The following PRR11 variants were observed in gnomAD, a reference collection of about 807,000 sequenced individuals.
PRR11 encodes proline-rich protein 11.
A neutral mutation model predicts 45.6 loss-of-function variants in PRR11; 30 were observed. That is an observed-to-expected ratio of 0.66 (90% CI 0.49 to 0.89). The LOEUF is 0.89. Ranked by LOEUF, PRR11 falls within the 40% of genes least tolerant of loss-of-function variation. The pLI is 0.00. For missense variants in PRR11, 373 were observed against 424.8 expected (o/e 0.88, Z 1.07); for synonymous variants, 128 against 153.5 (o/e 0.83, Z 1.23).
rs920322964 is a variant in PRR11, at chr17:59,203,202, A to G, written c.*1571A>G. 6.6e-6 allele frequency among the ~76,000 whole-genome samples: 1 copy of G among 152,004 alleles called. No homozygotes were observed. Among genetic ancestry groups the G allele is most frequent in the Non-Finnish European group, 1.5e-5 (1 of 67,964 alleles). On this transcript the variant is annotated 3_prime_UTR_variant, in exon 10 of 10. Transcript: ENST00000262293. ...GTTTTTGAGACCCACATCTATATAT[A>G]GAGATTTTTGTTTGTTTGTTTGTTT...
rs2046917808 is a variant in PRR11, at chr17:59,206,286, A to G, written c.*4655A>G. ...GAGACTGAGGTGGAAGAATCACTTG[A>G]GCCCGGGAGGTTGAGGCTGCAGTGA... On this transcript the variant is annotated 3_prime_UTR_variant, in exon 10 of 10. Transcript: ENST00000262293. Among the ~76,000 whole-genome samples the G allele has an allele frequency of 1.3e-5, 2 of 152,112 alleles. No homozygotes were observed. Among genetic ancestry groups the G allele is most frequent in the Non-Finnish European group, 2.9e-5 (2 of 68,024 alleles).
chr17:59,174,624 G>A (rs2046732139), intron 2 of PRR11, among the ~76,000 whole-genome samples: 1 of 152,086 alleles, frequency 6.6e-6, no homozygotes, highest in South Asian at 2.1e-4. Context: ...TTATGGAGAG[G>A]GGATCTCGCC....
At chr17:59,167,327 T>C (rs1474061490) in intron 1 of PRR11, among the ~76,000 whole-genome samples, 1 of 152,196 alleles carries the variant, frequency 6.6e-6, no homozygotes, top group Non-Finnish European at 1.5e-5. Flanking sequence ...GCACTCCTTC[T>C]AGCTATTTGA....
At chr17:59,179,823 C>A in intron 2 of PRR11, 1 of 1,350,668 alleles carries the variant, frequency 7.4e-7, no homozygotes, top group Admixed American at 1.7e-5. Flanking sequence ...TCCGACCACT[C>A]CCTCTTCCTT....
intron 4 of PRR11, among the ~76,000 whole-genome samples, chr17:59,190,827 G>A (rs985626375): frequency 6.6e-6 from 1 of 152,344 alleles, no homozygotes; most frequent in Non-Finnish European, 1.5e-5. Flanking sequence ...AACTTGGCCT[G>A]GGTTATGTGT....
At chr17:59,191,918 T>C (rs193127515) in intron 4 of PRR11, among the ~76,000 whole-genome samples, 3 of 152,320 alleles carry the variant, frequency 2.0e-5, no homozygotes, top group African/African-American at 7.2e-5. Context: ...TTAACTCCTC[T>C]GGGCCTCAGT....
intron 7 of PRR11, among the ~76,000 whole-genome samples, chr17:59,196,359 TTTTA>T (rs1452261288): frequency 2.6e-5 from 4 of 151,988 alleles, no homozygotes; most frequent in Non-Finnish European, 5.9e-5. Context: ...AAGCAACCTG[TTTTA>T]TTTATTTATT....
intron 2 of PRR11, chr17:59,174,962 C>T (rs2046735471): frequency 2.3e-6 from 2 of 870,944 alleles, no homozygotes; most frequent in Non-Finnish European, 3.7e-6. Flanking sequence ...CGCCTACCTC[C>T]TCCAACTACT....
intron 2 of PRR11, among the ~76,000 whole-genome samples, chr17:59,175,998 A>G (rs530520933): frequency 1.3e-5 from 2 of 152,346 alleles, no homozygotes; most frequent in East Asian, 3.9e-4. Flanking sequence ...TAATCAGGGC[A>G]GATGACGTAA....
intron 5 of PRR11, 65 bp from the exon 6 acceptor site, chr17:59,194,692 T>C (rs1157370264): frequency 7.9e-7 from 1 of 1,268,124 alleles, no homozygotes. Flanking sequence ...AAACTAGATT[T>C]GGATTTGCAT....
intron 2 of PRR11, 33 bp from the exon 3 acceptor site, chr17:59,185,021 T>C (rs2046807201): frequency 6.3e-7 from 1 of 1,599,024 alleles, no homozygotes. Context: ...GACTTAGGGG[T>C]TTTTTATTTG....
intron 9 of PRR11, 36 bp from the exon 10 acceptor site, chr17:59,201,527 A>G: frequency 1.3e-6 from 2 of 1,586,284 alleles, no homozygotes; most frequent in Non-Finnish European, 1.7e-6. Context: ...ACAGGAATAT[A>G]ATTGATATTA....
intron 2 of PRR11, among the ~76,000 whole-genome samples, chr17:59,182,010 T>C (rs186952411): frequency 1.5e-5 from 2 of 133,970 alleles, no homozygotes; most frequent in Non-Finnish European, 3.1e-5. Flanking sequence ...CTTTTTTGCT[T>C]GTTTTTTTGT....
chr17:59,190,545 C>G (rs974164070), intron 4 of PRR11, among the ~76,000 whole-genome samples: 1 of 152,176 alleles, frequency 6.6e-6, no homozygotes. Flanking sequence ...AAGAAAGCAC[C>G]TAGAAGGCTG....
At chr17:59,192,608 T>G (rs952482298) in intron 4 of PRR11, among the ~76,000 whole-genome samples, 1 of 152,212 alleles carries the variant, frequency 6.6e-6, no homozygotes, top group East Asian at 1.9e-4. Context: ...GTCTTCGCTC[T>G]ATGTCTTCAC....
intron 2 of PRR11, among the ~76,000 whole-genome samples, chr17:59,171,949 T>TTA (rs909826469): frequency 9.7e-4 from 146 of 151,184 alleles, no homozygotes; most frequent in African/African-American, 2.1e-3. Flanking sequence ...AAAATTATCT[T>TTA]TATATATATA....
chr17:59,181,612 AC>A, intron 2 of PRR11: 1 of 1,434,916 alleles, frequency 7.0e-7, no homozygotes, highest in Non-Finnish European at 9.5e-7. Context: ...CATCTCCGCC[AC>A]CCAGGTCTCC....
At chr17:59,194,725 A>G (rs986478189) in intron 5 of PRR11, 32 bp from the exon 6 acceptor site, 13 of 1,554,246 alleles carry the variant, frequency 8.4e-6, no homozygotes, top group Admixed American at 1.8e-5. Context: ...GCTGGTTCCA[A>G]TTTGAATTCT....
In PRR11 at chr17:59,198,110, T is replaced by C. The variant is rs1311981011; in HGVS notation, c.1014+321T>C. 3.3e-5 allele frequency among the ~76,000 whole-genome samples: 5 copies of C among 152,190 alleles called. No homozygotes were observed. In the East Asian group the frequency reaches 9.6e-4, roughly 29 times the overall value. ...GTCTGGGTGACAAAGCAAGACCCTG[T>C]CTCAAATAAATAATCATAATCATAA... On this transcript the variant is annotated intron_variant, in intron 9 of 9. Coordinates refer to ENST00000262293, the MANE Select transcript of PRR11 (RefSeq NM_018304.4).
Sources: allele counts gnomAD v4.1 joint callset (sites outside exome capture counted in the v4.1 genomes callset), GRCh38; gene constraint gnomAD v4.1.1; transcripts MANE v1.5; gene names NCBI Gene and HGNC (gene_info 2026-07-23, HGNC 2026-07-21).